The following FRMD1 variants were observed in gnomAD, a reference collection of about 807,000 sequenced individuals.
The protein encoded by FRMD1 is FERM domain-containing protein 1.
A neutral mutation model predicts 54.9 loss-of-function variants in FRMD1; 51 were observed. The observed-to-expected ratio is 0.93, with a 90% CI of 0.74 to 1.17. FRMD1 has a LOEUF of 1.17. Ranked by LOEUF, FRMD1 falls within the 50% of genes most tolerant of loss-of-function variation. The probability of loss-of-function intolerance (pLI) is 0.00; values close to 1 mark genes in which losing one functional copy is unlikely to be tolerated. For missense variants in FRMD1, 729 were observed against 743.0 expected, an observed-to-expected ratio of 0.98 and a Z score of 0.22; for synonymous variants, 324 against 306.4, an observed-to-expected ratio of 1.06 and a Z score of -0.60.
Position 168,061,112 on chromosome 6 carries a change from G to T in FRMD1, c.1046-55C>A, listed in dbSNP as rs1236185715. 3 of 1,533,860 alleles carry T rather than the reference G, an allele frequency of 2.0e-6. No homozygotes were observed. The African/African-American group carries it at 4.1e-5, about 21-fold the overall frequency. On this transcript the variant is annotated intron_variant, in intron 8 of 10. Transcript: ENST00000283309. ...GAGCTGGAGAGGGACCAGCCCTGCT[G>T]ATGCAGGAGGAAGAGCCCGGGAGAC...
intron 1 of FRMD1, among the ~76,000 whole-genome samples, chr6:168,091,598 G>C (rs1293857607): frequency 2.6e-5 from 4 of 152,224 alleles, no homozygotes; most frequent in African/African-American, 9.6e-5. Flanking sequence ...GAAACCCTGG[G>C]AGAGGCTGGC....
chr6:168,079,032 A>G lies in FRMD1; in HGVS notation c.63T>C (p.Pro21=). The G allele has an allele frequency of 6.2e-7, 1 of 1,611,522 alleles. No individual in the cohort carries two copies. The highest frequency in any genetic ancestry group is 1.7e-5 in the Admixed American group (1 of 59,986). ...GTTCCATACATCGCGCCCCTGAAGG[A>G]GGGAACGTGTCAGGGTTTGTCCGGG... is the stretch of plus-strand genomic sequence containing the variant. ...DPARTNPDTF[P]PSGARCMEPS... The change falls in exon 1 of 11, where the codon CCT becomes CCC. Residue 21 remains proline (P), a synonymous_variant. Transcript: ENST00000283309.
chr6:168,083,068 G>A (rs1430240518), upstream of FRMD1, among the ~76,000 whole-genome samples: 1 of 152,218 alleles, frequency 6.6e-6, no homozygotes, highest in Non-Finnish European at 1.5e-5. Context: ...GTGCTTGCCA[G>A]AAAGGAAGGA....
upstream of FRMD1, among the ~76,000 whole-genome samples, chr6:168,081,153 C>T (rs981534187): frequency 6.6e-6 from 1 of 152,102 alleles, no homozygotes; most frequent in South Asian, 2.1e-4. Context: ...GGGAAGCCCC[C>T]GTTGTATTCC....
intron 2 of FRMD1, among the ~76,000 whole-genome samples, chr6:168,072,484 C>T (rs376611353): frequency 1.6e-4 from 24 of 152,338 alleles, no homozygotes; most frequent in Middle Eastern, 6.8e-3. Context: ...TGCCCTGGGG[C>T]GTTTCTCGCC....
chr6:168,068,886 G>A (rs1053470430), intron 2 of FRMD1, among the ~76,000 whole-genome samples: 12 of 152,220 alleles, frequency 7.9e-5, no homozygotes, highest in Admixed American at 2.0e-4. Flanking sequence ...TCACAGGGCC[G>A]GGTGCCTGGC....
intron 1 of FRMD1, among the ~76,000 whole-genome samples, chr6:168,090,758 C>A (rs76068201): frequency 0.016 from 2,384 of 152,346 alleles, 72 homozygotes; most frequent in African/African-American, 0.055. Context: ...GTGTGCTGCG[C>A]TGAAGTTTGG....
intron 8 of FRMD1, among the ~76,000 whole-genome samples, chr6:168,061,507 G>C (rs938272126): frequency 1.3e-5 from 2 of 152,238 alleles, no homozygotes; most frequent in Non-Finnish European, 2.9e-5. Flanking sequence ...TGCATTTCTT[G>C]CTCTTTGTGG....
intron 8 of FRMD1, among the ~76,000 whole-genome samples, chr6:168,061,315 G>C (rs570942185): frequency 2.7e-5 from 4 of 150,530 alleles, no homozygotes; most frequent in Non-Finnish European, 4.4e-5. Flanking sequence ...GTGGAACAGG[G>C]AGGGAGACCA....
intron 3 of FRMD1, 77 bp downstream of exon 3, chr6:168,067,290 C>G: frequency 1.1e-6 from 1 of 950,214 alleles, no homozygotes; most frequent in Non-Finnish European, 1.6e-6. Flanking sequence ...CCTGCTCTCT[C>G]CCACCCCACG....
chr6:168,067,510 TCAAAA>T (rs1159822818), intron 2 of FRMD1, 64 bp from the exon 3 acceptor site: 1 of 971,588 alleles, frequency 1.0e-6, no homozygotes, highest in Middle Eastern at 2.2e-4. Context: ...CACCGTGTGT[TCAAAA>T]CTGAGTGTGG....
Position 168,078,866 on chromosome 6 carries a change from C to G in FRMD1, c.213+16G>C. 6.4e-7 allele frequency: 1 copy of G among 1,556,860 alleles called. No individual in the cohort carries two copies. The highest frequency in any genetic ancestry group is 1.2e-5 in the South Asian group (1 of 85,738). On this transcript the variant is annotated intron_variant, in intron 1 of 10. Coordinates refer to ENST00000283309, the MANE Select transcript of FRMD1 (RefSeq NM_024919.6). ...CAGCTCTGTTTACCCCCACGGCCAC[C>G]CAGGGCCCTGCTCACCCCCACGGCC...
intron 1 of FRMD1, among the ~76,000 whole-genome samples, chr6:168,076,457 G>A (rs1583203414): frequency 6.6e-6 from 1 of 152,090 alleles, no homozygotes; most frequent in Non-Finnish European, 1.5e-5. Context: ...AGAGTGAGCC[G>A]GTGGGAGGTG....
rs187788288 is a variant in FRMD1, at chr6:168,053,131, A to T, written c.*3966T>A. 1 of 151,880 alleles carries T rather than the reference A, an allele frequency of 6.6e-6. No homozygotes were observed. The highest frequency in any genetic ancestry group is 1.5e-5 in the Non-Finnish European group (1 of 67,972). 9.4% of individuals were successfully genotyped at this position (151,880 alleles called of 1,614,324 possible). Reference sequence around the variant, plus strand: ...TTTTATTGGTGAGCTGCCTGTGATTAATAAACAATTAACCCGCGCCATTTT... The same window carrying T: ...TTTTATTGGTGAGCTGCCTGTGATTTATAAACAATTAACCCGCGCCATTTT... On this transcript the variant is annotated 3_prime_UTR_variant, in exon 11 of 11. Coordinates refer to ENST00000283309, the MANE Select transcript of FRMD1 (RefSeq NM_024919.6).
chr6:168,092,424 G>A (rs1801029952), intron 1 of FRMD1, among the ~76,000 whole-genome samples: 1 of 149,752 alleles, frequency 6.7e-6, no homozygotes, highest in African/African-American at 2.6e-5. Flanking sequence ...GGGAGGTGAT[G>A]TGGTCATGGG....
intron 1 of FRMD1, among the ~76,000 whole-genome samples, chr6:168,076,482 G>T (rs1346057992): frequency 6.6e-6 from 1 of 152,200 alleles, no homozygotes; most frequent in African/African-American, 2.4e-5. Flanking sequence ...AATCACGGGG[G>T]TGGTTCCCCC....
At chr6:168,071,339 G>A (rs186866420) in intron 2 of FRMD1, among the ~76,000 whole-genome samples, 137 of 152,328 alleles carry the variant, frequency 9.0e-4, no homozygotes, top group African/African-American at 3.2e-3. Flanking sequence ...CAACTTAAGA[G>A]ATAATTAAAG....
chr6:168,080,754 T>C (rs1800805088), upstream of FRMD1, among the ~76,000 whole-genome samples: 3 of 151,104 alleles, frequency 2.0e-5, no homozygotes, highest in South Asian at 6.3e-4. Flanking sequence ...CGGTGGGGAG[T>C]TGTGCTGGGT....
intron 2 of FRMD1, among the ~76,000 whole-genome samples, chr6:168,069,088 G>A (rs1305943457): frequency 1.3e-5 from 2 of 152,252 alleles, no homozygotes; most frequent in Non-Finnish European, 2.9e-5. Flanking sequence ...CATGCTCTGT[G>A]TTAAAGACTC....
Sources: allele counts gnomAD v4.1 joint callset (sites outside exome capture counted in the v4.1 genomes callset), GRCh38; gene constraint gnomAD v4.1.1; transcripts MANE v1.5; gene names NCBI Gene and HGNC (gene_info 2026-07-23, HGNC 2026-07-21).